Variants in TNNI3K observed in about 807,000 individuals in gnomAD.
TNNI3K encodes TNNI3 interacting kinase.
In TNNI3K, 140 loss-of-function variants were observed where a neutral mutation model predicts 114.5. The observed-to-expected ratio is 1.22, with a 90% CI of 1.07 to 1.41. The LOEUF is 1.41. Ranked by LOEUF, TNNI3K falls within the 40% of genes most tolerant of loss-of-function variation. TNNI3K has a pLI of 0.00. For synonymous variants in TNNI3K, 347 were observed against 347.5 expected (o/e 1.00, Z 0.02); for missense variants, 1,125 against 1,007.6 (o/e 1.12, Z -1.58).
At chr1:74,516,853 A>G (rs1395231693) in intron 23 of TNNI3K, among the ~76,000 whole-genome samples, 1 of 152,206 alleles carries the variant, frequency 6.6e-6, no homozygotes, top group Non-Finnish European at 1.5e-5. Context: ...AATATTCTAC[A>G]TAGATGAAAT....
At chr1:74,364,688 C>T (rs1178527247) in intron 11 of TNNI3K, among the ~76,000 whole-genome samples, 1 of 151,722 alleles carries the variant, frequency 6.6e-6, no homozygotes, top group Non-Finnish European at 1.5e-5. Context: ...CCAGTGGGCT[C>T]ATTGTAATAT....
chr1:74,439,284 A>C lies in TNNI3K; in HGVS notation c.1879-206A>C, dbSNP rs182588379. 2.0e-4 allele frequency: 121 copies of C among 593,550 alleles called. No individual in the cohort carries two copies. The East Asian group carries it at 4.1e-3, about 20-fold the overall frequency. The allele number at this position is 593,550 out of a possible 1,614,324, so 36.8% of individuals were successfully genotyped here. On this transcript the variant is annotated intron_variant, in intron 19 of 24. Coordinates refer to ENST00000326637, the MANE Select transcript of TNNI3K (RefSeq NM_015978.3). ...AATGATTAAAAAATGCCCTTTGAGG[A>C]ACTGAACAGCCACAGTAAACACACT...
intron 17 of TNNI3K, among the ~76,000 whole-genome samples, chr1:74,392,521 T>C (rs1364471038): frequency 6.6e-6 from 1 of 152,198 alleles, no homozygotes; most frequent in Non-Finnish European, 1.5e-5. Context: ...ATCTATAAAG[T>C]CATTTCTCCC....
intron 21 of TNNI3K, among the ~76,000 whole-genome samples, chr1:74,466,423 T>C (rs1667683793): frequency 6.6e-6 from 1 of 151,556 alleles, no homozygotes; most frequent in East Asian, 1.9e-4. Flanking sequence ...AAGCAAAGAG[T>C]TGGGAAATGA....
chr1:74,370,581 T>A, intron 17 of TNNI3K, 189 bp downstream of exon 17: 1 of 400,002 alleles, frequency 2.5e-6, no homozygotes, highest in Non-Finnish European at 4.4e-6. Flanking sequence ...GCTGTATAAC[T>A]GCTTCTCAGG....
chr1:74,443,873 G>A (rs776966474), intron 20 of TNNI3K, among the ~76,000 whole-genome samples: 7 of 152,112 alleles, frequency 4.6e-5, no homozygotes, highest in Non-Finnish European at 8.8e-5. Flanking sequence ...ATCAATAAAC[G>A]TAATTCATCA....
chr1:74,337,158 G>C (rs1224538385), intron 7 of TNNI3K, among the ~76,000 whole-genome samples: 1 of 152,094 alleles, frequency 6.6e-6, no homozygotes, highest in Non-Finnish European at 1.5e-5. Flanking sequence ...CTTTTGAGAA[G>C]TGTCTGTTCA....
chr1:74,241,507 G>C (rs1654206078), intron 2 of TNNI3K, among the ~76,000 whole-genome samples: 1 of 152,182 alleles, frequency 6.6e-6, no homozygotes, highest in Non-Finnish European at 1.5e-5. Context: ...TTGTGGTTTT[G>C]ATTTGCATTT....
At chr1:74,391,974 T>A (rs1367573322) in intron 17 of TNNI3K, among the ~76,000 whole-genome samples, 3 of 143,830 alleles carry the variant, frequency 2.1e-5, no homozygotes, top group African/African-American at 7.9e-5. Context: ...TTTTTTTTTT[T>A]TTTTTTTTTG....
intron 21 of TNNI3K, among the ~76,000 whole-genome samples, chr1:74,474,322 G>A (rs1668077755): frequency 6.6e-6 from 1 of 152,146 alleles, no homozygotes; most frequent in South Asian, 2.1e-4. Context: ...TCTTTCCTCA[G>A]CCATCCCTCT....
intron 3 of TNNI3K, 25 bp from the exon 4 acceptor site, chr1:74,250,647 G>T (rs201866721): frequency 5.3e-5 from 85 of 1,605,194 alleles, no homozygotes; most frequent in Non-Finnish European, 6.5e-5. Flanking sequence ...CAATGATTTA[G>T]CCTTTTTTCA....
At chr1:74,420,447 G>A (rs1157698246) in intron 17 of TNNI3K, among the ~76,000 whole-genome samples, 3 of 152,106 alleles carry the variant, frequency 2.0e-5, no homozygotes, top group Non-Finnish European at 2.9e-5. Context: ...CTTTGAGGAT[G>A]AGAACAGGGC....
intron 5 of TNNI3K, among the ~76,000 whole-genome samples, chr1:74,284,933 A>G (rs140659589): frequency 1.3e-5 from 2 of 152,248 alleles, no homozygotes; most frequent in Non-Finnish European, 2.9e-5. Flanking sequence ...TTTTTTTCTC[A>G]TAATTTGTCC....
chr1:74,257,377 C>T (rs1165511933), intron 4 of TNNI3K, among the ~76,000 whole-genome samples: 1 of 152,086 alleles, frequency 6.6e-6, no homozygotes, highest in Non-Finnish European at 1.5e-5. Context: ...TAGATTAGCT[C>T]AGTATTTGTT....
At chr1:74,536,376 C>A (rs1297304814) in intron 23 of TNNI3K, among the ~76,000 whole-genome samples, 1 of 152,042 alleles carries the variant, frequency 6.6e-6, no homozygotes, top group African/African-American at 2.4e-5. Flanking sequence ...GTGAACTGGT[C>A]TAATTGGCAG....
chr1:74,328,360 G>A (rs554881729), intron 5 of TNNI3K, among the ~76,000 whole-genome samples: 48 of 152,096 alleles, frequency 3.2e-4, no homozygotes, highest in Middle Eastern at 3.4e-3. Context: ...AACTTGATAG[G>A]TATATATTGA....
At chr1:74,320,173 A>C (rs1659531730) in intron 5 of TNNI3K, among the ~76,000 whole-genome samples, 1 of 152,202 alleles carries the variant, frequency 6.6e-6, no homozygotes, top group African/African-American at 2.4e-5. Context: ...GGTTTAATAT[A>C]ACCAACGGAA....
At chr1:74,503,363 GAA>G (rs1669731489) in intron 23 of TNNI3K, among the ~76,000 whole-genome samples, 1 of 152,272 alleles carries the variant, frequency 6.6e-6, no homozygotes, top group South Asian at 2.1e-4. Context: ...CTTATTCAAA[GAA>G]TGCTGATTTG....
chr1:74,314,417 T>A (rs890357520), intron 5 of TNNI3K, among the ~76,000 whole-genome samples: 11 of 152,108 alleles, frequency 7.2e-5, no homozygotes, highest in Non-Finnish European at 1.5e-5. Flanking sequence ...CTTTCTTTGT[T>A]TGTATCTATC....
Sources: gnomAD v4.1 joint callset for allele counts (sites outside exome capture counted in the v4.1 genomes callset) on GRCh38, gnomAD v4.1.1 for gene constraint, MANE v1.5 for transcripts, NCBI Gene and HGNC (gene_info 2026-07-23, HGNC 2026-07-21) for gene names.